The following SLC47A2 variants were observed in gnomAD, a reference collection of about 807,000 sequenced individuals.
SLC47A2 encodes the protein solute carrier family 47 member 2.
SLC47A2 carries 52 observed loss-of-function variants against 67.7 expected under a neutral mutation model. The ratio of observed to expected loss-of-function variants is 0.77; its 90% CI spans 0.61 to 0.97. The LOEUF (loss-of-function observed/expected upper bound fraction) is 0.97, where lower values mean the gene tolerates loss of function less well. SLC47A2 is among the 50% of genes least tolerant of loss of function. The probability of loss-of-function intolerance (pLI) is 0.00; values close to 1 mark genes in which losing one functional copy is unlikely to be tolerated. For missense variants in SLC47A2, 676 were observed against 712.3 expected (o/e 0.95, Z 0.58); for synonymous variants, 278 against 292.9 (o/e 0.95, Z 0.52).
rs748607381 is a variant in SLC47A2 at position 19,706,776 on chromosome 17, C to T, written c.728-15G>A. ...GCTGGACCAACCTGGAAACAGAGGC[C>T]CCATGAGCTGACAGCCTGCCCTGCT... On this transcript the variant is annotated splice_polypyrimidine_tract_variant and intron_variant, in intron 8 of 16. Coordinates refer to ENST00000433844, the MANE Select transcript of SLC47A2 (RefSeq NM_001099646.3). The T allele has an allele frequency of 1.3e-6, 2 of 1,594,302 alleles. No homozygotes were observed. The highest frequency in any genetic ancestry group is 2.7e-5 in the African/African-American group (2 of 73,830).
At chr17:19,694,488 A>G (rs2085613646) in intron 13 of SLC47A2, among the ~76,000 whole-genome samples, 1 of 152,262 alleles carries the variant, frequency 6.6e-6, no homozygotes, top group Admixed American at 6.5e-5. Context: ...TTGATTTTCA[A>G]CTGTGTTTCC....
At chr17:19,701,510 T>C (rs2085786621) in intron 13 of SLC47A2, among the ~76,000 whole-genome samples, 2 of 152,186 alleles carry the variant, frequency 1.3e-5, no homozygotes, top group African/African-American at 4.8e-5. Context: ...AGGGCTGGAA[T>C]GCGCCAGTAT....
Position 19,679,201 on chromosome 17 carries a change from A to G in SLC47A2, c.1481-295T>C, listed in dbSNP as rs186208483. On this transcript the variant is annotated intron_variant, in intron 16 of 16. Transcript: ENST00000433844. Reference sequence around the variant, plus strand: ...GGCCCTGTGATGATCTGTGGCTTCAAAAGCACGTGGGAAACACAATTAATC... The same window carrying G: ...GGCCCTGTGATGATCTGTGGCTTCAGAAGCACGTGGGAAACACAATTAATC... Among the ~76,000 whole-genome samples the G allele has an allele frequency of 2.4e-3, 364 of 152,302 alleles. 1 individual carries two copies. The highest frequency in any genetic ancestry group is 4.1e-3 in the Non-Finnish European group (277 of 68,016).
chr17:19,686,486 C>G (rs2085431398), intron 13 of SLC47A2, among the ~76,000 whole-genome samples: 1 of 152,138 alleles, frequency 6.6e-6, no homozygotes, highest in Non-Finnish European at 1.5e-5. Context: ...ACTAAAAACT[C>G]TCTAGTCAAA....
At chr17:19,705,621 A>C (rs555126338) in intron 9 of SLC47A2, 118 bp from the exon 10 acceptor site, 155 of 886,832 alleles carry the variant, frequency 1.7e-4, no homozygotes, top group Non-Finnish European at 2.3e-4. Context: ...CTTCCTTGAG[A>C]CAGGGTCTCA....
At chr17:19,681,339 T>C (rs1233881734) in intron 15 of SLC47A2, 28 bp downstream of exon 15, 2 of 1,560,794 alleles carry the variant, frequency 1.3e-6, no homozygotes, top group Non-Finnish European at 1.7e-6. Flanking sequence ...CAGGGTGTCT[T>C]GTGGCCAGGG....
In SLC47A2 at chr17:19,681,659, G is replaced by T. The variant is rs539685879; in HGVS notation, c.1176C>A (p.Gly392=). 9 of 1,612,576 alleles carry T rather than the reference G, an allele frequency of 5.6e-6. No individual in the cohort carries two copies. In the Admixed American group the frequency reaches 1.5e-4, roughly 27 times the overall value. ...GCTTCCCAGTTCCTCTCAGAACTCC[G>T]CCATAGACACACTAGGAGGGGAGAC... The part of the protein sequence containing the change: ...HVFEAICCVY[G]GVLRGTGKQA... Residue 392 remains glycine, a synonymous_variant, in exon 14 of 17, where the codon GGC becomes GGA. Transcript: ENST00000433844.
In SLC47A2 at chr17:19,708,714, A is replaced by G. The variant is rs1187956945; in HGVS notation, c.531+2T>C. 1 of 1,613,882 alleles carries G rather than the reference A, an allele frequency of 6.2e-7. No individual in the cohort carries two copies. Among genetic ancestry groups the G allele is most frequent in the African/African-American group, 1.3e-5 (1 of 74,944 alleles). ...GCCTCCCCACACACCAAAGACCTGT[A>G]CCTGATTTTGCAAATATTTTGCCAG... On this transcript the variant is annotated splice_donor_variant, in intron 6 of 16. Coordinates refer to ENST00000433844, the MANE Select transcript of SLC47A2 (RefSeq NM_001099646.3). LOFTEE classifies it high-confidence loss of function.
chr17:19,707,967 C>A (rs1756744061), intron 7 of SLC47A2, 124 bp from the exon 8 acceptor site: 1 of 954,824 alleles, frequency 1.0e-6, no homozygotes, highest in Non-Finnish European at 1.6e-6. Context: ...CTTCCCCCAT[C>A]CTGGGATCAG....
At chr17:19,708,900 G>T in intron 5 of SLC47A2, 140 bp from the exon 6 acceptor site, 2 of 1,121,154 alleles carry the variant, frequency 1.8e-6, no homozygotes, top group Non-Finnish European at 2.6e-6. Context: ...GACCTCTCAG[G>T]TGCGGCCAAA....
At chr17:19,713,409 T>TC (rs151012146) in intron 4 of SLC47A2, among the ~76,000 whole-genome samples, 4,572 of 150,458 alleles carry the variant, frequency 0.03, 213 homozygotes, top group African/African-American at 0.11. Flanking sequence ...ATAATAATAA[T>TC]AATAATCATC....
chr17:19,680,131 G>T, intron 15 of SLC47A2, 92 bp from the exon 16 acceptor site: 2 of 1,203,292 alleles, frequency 1.7e-6, no homozygotes, highest in Non-Finnish European at 2.4e-6. Context: ...TTAAAACATT[G>T]CAAGCTGAAG....
intron 7 of SLC47A2, 87 bp from the exon 8 acceptor site, chr17:19,707,930 C>G (rs1311589870): frequency 2.6e-5 from 33 of 1,265,576 alleles, no homozygotes; most frequent in Non-Finnish European, 3.6e-5. Context: ...TGGCGGCCAG[C>G]CCGTGTGGGG....
In SLC47A2 at chr17:19,681,441, C is replaced by T. The variant is rs766527033; in HGVS notation, c.1318G>A (p.Ala440Thr). The change falls in exon 15 of 17, where the codon GCC becomes ACC. Residue 440 changes from alanine (A) to threonine (T), a missense_variant. Coordinates refer to ENST00000433844, the MANE Select transcript of SLC47A2 (RefSeq NM_001099646.3). ...GCAGCAGTTGCCAGGAAGACACAGG[C>T]CAGCATGCCCAGCCAGAGGCCTGGA... is the stretch of plus-strand genomic sequence containing the variant. The part of the protein sequence containing the change: ...RIMGLWLGML[A>T]CVFLATAAFV... 1.9e-6 allele frequency: 3 copies of T among 1,613,838 alleles called. No homozygotes were observed. The highest frequency in any genetic ancestry group is 1.7e-4 in the Middle Eastern group (1 of 6,060).
Position 19,680,029 on chromosome 17 carries a change from T to G in SLC47A2, c.1403A>C (p.His468Pro). 1 of 1,613,990 alleles carries G rather than the reference T, an allele frequency of 6.2e-7. No individual in the cohort carries two copies. The highest frequency in any genetic ancestry group is 8.5e-7 in the Non-Finnish European group (1 of 1,179,948). Reference protein sequence around the residue: ...WKLAAEEAKKHSGRQQQQRAE... With the variant: ...WKLAAEEAKKPSGRQQQQRAE... Reference sequence around the variant, plus strand: ...TCTCTGCTGCTGCTGCCGGCCTGAATGTTTCTTAGCCTAAAGGAGAAAGAA... The same window carrying G: ...TCTCTGCTGCTGCTGCCGGCCTGAAGGTTTCTTAGCCTAAAGGAGAAAGAA... The change falls in exon 16 of 17, where the codon CAT becomes CCT. Residue 468 changes from histidine (H) to proline (P), a missense_variant. Coordinates refer to ENST00000433844, the MANE Select transcript of SLC47A2 (RefSeq NM_001099646.3).
chr17:19,691,968 G>A (rs1022952813), intron 13 of SLC47A2, among the ~76,000 whole-genome samples: 6 of 152,106 alleles, frequency 3.9e-5, no homozygotes, highest in African/African-American at 7.2e-5. Flanking sequence ...AGTGGCTCAC[G>A]CCTGTAATCC....
intron 13 of SLC47A2, chr17:19,702,280 G>T (rs993573297): frequency 2.0e-6 from 2 of 985,212 alleles, no homozygotes; most frequent in African/African-American, 3.5e-5. Context: ...CTCCTGGCCA[G>T]CCTGGGGCAC....
chr17:19,697,456 C>CA (rs1012698737), intron 13 of SLC47A2, among the ~76,000 whole-genome samples: 2 of 152,028 alleles, frequency 1.3e-5, no homozygotes, highest in Non-Finnish European at 2.9e-5. Flanking sequence ...AAAAGACAAC[C>CA]AAAAAAAGTT....
In SLC47A2 at chr17:19,705,485, T is replaced by G. The variant is rs1358391326; in HGVS notation, c.860A>C (p.Asp287Ala). 2 of 1,610,362 alleles carry G rather than the reference T, an allele frequency of 1.2e-6. No homozygotes were observed. The highest frequency in any genetic ancestry group is 1.7e-5 in the Admixed American group (1 of 59,724). Residue 287 changes from aspartate (D) to alanine (A), a missense_variant, in exon 10 of 17, where the codon GAT becomes GCT. Transcript: ENST00000433844. The stretch of plus-strand genomic sequence containing the variant: ...GTAGATGACAGCCTGGGCAGAGAGA[T>G]CCACCACACTGAGCAGCCCTAGAGA... Reference protein sequence around the residue: ...SFLMGLLSVVDLSAQAVIYEV... With the variant: ...SFLMGLLSVVALSAQAVIYEV...
Sources: gnomAD v4.1 joint callset for allele counts (sites outside exome capture counted in the v4.1 genomes callset) on GRCh38, gnomAD v4.1.1 for gene constraint, MANE v1.5 for transcripts, NCBI Gene and HGNC (gene_info 2026-07-23, HGNC 2026-07-21) for gene names.